Variants in GRID1 observed in about 807,000 individuals in gnomAD.
GRID1 encodes glutamate ionotropic receptor delta type subunit 1.
In GRID1, 28 loss-of-function variants were observed where a neutral mutation model predicts 98.0. The ratio of observed to expected loss-of-function variants is 0.29; its 90% confidence interval spans 0.21 to 0.39. GRID1 has a LOEUF of 0.39. Ranked by LOEUF, GRID1 falls within the 10% of genes least tolerant of loss-of-function variation. The pLI is 1.00. For synonymous variants in GRID1, 553 were observed against 538.5 expected, an observed-to-expected ratio of 1.03 and a Z score of -0.37; for missense variants, 1,111 against 1,340.5, an observed-to-expected ratio of 0.83 and a Z score of 2.67.
chr10:86,360,215 A>G (rs1409610634), intron 2 of GRID1, among the ~76,000 whole-genome samples: 2 of 152,250 alleles, frequency 1.3e-5, no homozygotes, highest in Non-Finnish European at 2.9e-5. Flanking sequence ...AGTTACTAGA[A>G]GTAATGTTTA....
chr10:85,635,722 C>T (rs1344339995), intron 13 of GRID1, among the ~76,000 whole-genome samples: 2 of 152,130 alleles, frequency 1.3e-5, no homozygotes, highest in Non-Finnish European at 2.9e-5. Context: ...GGTGAGGCTG[C>T]ACTCTGGGAT....
At chr10:85,920,063 A>C (rs188302975) in intron 4 of GRID1, among the ~76,000 whole-genome samples, 1 of 152,226 alleles carries the variant, frequency 6.6e-6, no homozygotes, top group East Asian at 1.9e-4. Flanking sequence ...CTTGCTCCCT[A>C]CTGGGGACTT....
chr10:86,026,121 A>G (rs1161758323), intron 4 of GRID1, among the ~76,000 whole-genome samples: 1 of 152,232 alleles, frequency 6.6e-6, no homozygotes, highest in Non-Finnish European at 1.5e-5. Flanking sequence ...ATTCGCTCCA[A>G]CTAACATATG....
intron 4 of GRID1, among the ~76,000 whole-genome samples, chr10:86,044,613 T>C (rs1240102877): frequency 1.3e-5 from 2 of 152,190 alleles, no homozygotes; most frequent in African/African-American, 4.8e-5. Context: ...GGCACATCTA[T>C]TTATCATATC....
chr10:86,119,205 T>C (rs1844630809), intron 4 of GRID1, among the ~76,000 whole-genome samples: 1 of 152,028 alleles, frequency 6.6e-6, no homozygotes, highest in Non-Finnish European at 1.5e-5. Context: ...CATGGTGGTG[T>C]GTACCTGTAG....
intron 4 of GRID1, among the ~76,000 whole-genome samples, chr10:85,989,223 T>G (rs1374680400): frequency 6.6e-6 from 1 of 152,156 alleles, no homozygotes; most frequent in East Asian, 1.9e-4. Flanking sequence ...TTGTTTGGCA[T>G]GCAAAAAGTG....
chr10:86,065,485 C>A (rs951575105), intron 4 of GRID1, among the ~76,000 whole-genome samples: 2 of 152,232 alleles, frequency 1.3e-5, no homozygotes, highest in Non-Finnish European at 2.9e-5. Context: ...CAGCTCCCAG[C>A]CACATGCATT....
intron 2 of GRID1, among the ~76,000 whole-genome samples, chr10:86,241,983 C>T (rs1846644053): frequency 6.6e-6 from 1 of 152,220 alleles, no homozygotes; most frequent in Admixed American, 6.5e-5. Context: ...ATCCTGGCCT[C>T]AATGGCTCAC....
intron 4 of GRID1, among the ~76,000 whole-genome samples, chr10:85,934,535 T>A (rs76765968): frequency 6.6e-6 from 1 of 151,908 alleles, no homozygotes; most frequent in African/African-American, 2.4e-5. Context: ...GGCTATATTC[T>A]AAGAGTCTAG....
At chr10:85,801,330 T>C (rs1480242311) in intron 8 of GRID1, among the ~76,000 whole-genome samples, 1 of 151,910 alleles carries the variant, frequency 6.6e-6, no homozygotes, top group South Asian at 2.1e-4. Context: ...TTTAGAAATA[T>C]AAGCAAAAGG....
At chr10:85,639,216 C>T (rs1352796319) in intron 13 of GRID1, among the ~76,000 whole-genome samples, 2 of 152,100 alleles carry the variant, frequency 1.3e-5, no homozygotes, top group Non-Finnish European at 2.9e-5. Context: ...TTTATTCATA[C>T]AATAGAATAT....
At chr10:86,255,944 G>A (rs1037098623) in intron 2 of GRID1, among the ~76,000 whole-genome samples, 1 of 152,180 alleles carries the variant, frequency 6.6e-6, no homozygotes, top group Non-Finnish European at 1.5e-5. Flanking sequence ...CCCCCATGGT[G>A]TGCACAACAG....
chr10:85,807,954 C>CTT (rs1842637788), intron 8 of GRID1, among the ~76,000 whole-genome samples: 2 of 152,036 alleles, frequency 1.3e-5, no homozygotes, highest in Admixed American at 1.3e-4. Context: ...ATTAACATAA[C>CTT]AGTGTTGAGT....
chr10:85,937,485 T>G (rs903704076), intron 4 of GRID1, among the ~76,000 whole-genome samples: 8 of 152,356 alleles, frequency 5.3e-5, no homozygotes, highest in African/African-American at 1.9e-4. Context: ...AGGTATCACC[T>G]GCCCTACCCT....
At chr10:86,023,661 T>A (rs1843078944) in intron 4 of GRID1, among the ~76,000 whole-genome samples, 1 of 151,750 alleles carries the variant, frequency 6.6e-6, no homozygotes, top group South Asian at 2.1e-4. Flanking sequence ...ACTCACCACC[T>A]CCCCCTGACC....
Position 86,138,822 on chromosome 10 carries a change from G to A in GRID1, c.723C>T (p.Asn241=), listed in dbSNP as rs1340270371. The stretch of plus-strand genomic sequence containing the variant: ...GCCTCAGGCCCCCATGACCTACCTC[G>A]TTGATGAAGGAGTGGGCTCCCTGTG... ...LSPQGAHSFI[N]EAVETNLASK... is the part of the protein sequence containing the mutation. Residue 241 remains asparagine, a synonymous_variant, in exon 4 of 16, where the codon AAC becomes AAT. Coordinates refer to ENST00000327946, the MANE Select transcript of GRID1 (RefSeq NM_017551.3). 8.1e-6 allele frequency: 13 copies of A among 1,613,376 alleles called. No individual in the cohort carries two copies. Among genetic ancestry groups the A allele is most frequent in the South Asian group, 3.3e-5 (3 of 91,060 alleles).
At chr10:86,083,169 A>G (rs1844001225) in intron 4 of GRID1, among the ~76,000 whole-genome samples, 1 of 152,234 alleles carries the variant, frequency 6.6e-6, no homozygotes, top group Admixed American at 6.5e-5. Context: ...AATTCAAAGC[A>G]GCATTTTCTT....
intron 5 of GRID1, among the ~76,000 whole-genome samples, chr10:85,876,277 G>A (rs1217435635): frequency 6.6e-6 from 1 of 151,762 alleles, no homozygotes. Flanking sequence ...GGAGACCCTG[G>A]GGGAGACATG....
At chr10:86,102,199 C>T (rs1416555189) in intron 4 of GRID1, among the ~76,000 whole-genome samples, 1 of 152,224 alleles carries the variant, frequency 6.6e-6, no homozygotes. Flanking sequence ...TTTTAACAGG[C>T]CACTCTGGCT....
Sources: gnomAD v4.1 joint callset for allele counts (sites outside exome capture counted in the v4.1 genomes callset) on GRCh38, gnomAD v4.1.1 for gene constraint, MANE v1.5 for transcripts, NCBI Gene and HGNC (gene_info 2026-07-23, HGNC 2026-07-21) for gene names.